MRE11: variants seen among roughly 807,000 people sequenced by gnomAD.
MRE11 encodes the protein MRE11 double strand break repair nuclease, also known as double-strand break repair protein MRE11.
MRE11 carries 62 observed loss-of-function variants against 91.7 expected under a neutral mutation model. The observed-to-expected ratio is 0.68, with a 90% confidence interval of 0.55 to 0.84. MRE11 has a LOEUF of 0.84. Ranked by LOEUF, MRE11 falls within the 40% of genes least tolerant of loss-of-function variation. The pLI is 0.00. For missense variants in MRE11, 796 were observed against 852.9 expected (o/e 0.93, Z 0.83); for synonymous variants, 273 against 271.4 (o/e 1.01, Z -0.06).
At chr11:94,457,887 T>TCACACACA (rs1555008822) in intron 13 of MRE11, among the ~76,000 whole-genome samples, 5 of 144,208 alleles carry the variant, frequency 3.5e-5, no homozygotes, top group African/African-American at 7.8e-5. Flanking sequence ...TCTCTCTCTC[T>TCACACACA]CACACACACA....
intron 4 of MRE11, among the ~76,000 whole-genome samples, chr11:94,482,203 TATC>T (rs1565236236): frequency 6.6e-6 from 1 of 152,234 alleles, no homozygotes; most frequent in Non-Finnish European, 1.5e-5. Flanking sequence ...CCATTTTTCT[TATC>T]ATCTCAATCT....
At position 94,476,375 on chromosome 11, in the gene MRE11, T is replaced by G. The variant is rs1555014571; in HGVS notation, c.573A>C (p.Arg191=). ...LGSIPDERLY[R]MFVNKKVTML... ...TTGTTACTTTTTTATTGACAAACAT[T>G]CGATAGAGCCTTTCATCTGGAATGG... The change falls in exon 7 of 20, where the codon CGA becomes CGC. Residue 191 remains arginine, a synonymous_variant. Coordinates refer to ENST00000323929, the MANE Select transcript of MRE11 (RefSeq NM_005591.4). The G allele has an allele frequency of 5.6e-6, 9 of 1,612,326 alleles. No individual in the cohort carries two copies. The highest frequency in any genetic ancestry group is 7.6e-6 in the Non-Finnish European group (9 of 1,178,638).
At chr11:94,450,404 T>C (rs1431935915) in intron 14 of MRE11, among the ~76,000 whole-genome samples, 1 of 152,180 alleles carries the variant, frequency 6.6e-6, no homozygotes, top group Admixed American at 6.5e-5. Context: ...ATTAATAAGA[T>C]AGATCTAATT....
At chr11:94,471,508 C>T in intron 8 of MRE11, 66 bp downstream of exon 8, 1 of 1,504,124 alleles carries the variant, frequency 6.6e-7, no homozygotes, top group Non-Finnish European at 9.2e-7. Flanking sequence ...GGCCTTAAAC[C>T]TATGAGATGA....
intron 19 of MRE11, among the ~76,000 whole-genome samples, chr11:94,421,819 A>G (rs1945178956): frequency 6.6e-6 from 1 of 152,242 alleles, no homozygotes; most frequent in Non-Finnish European, 1.5e-5. Flanking sequence ...GGCAAATACT[A>G]TATGATTCTA....
intron 3 of MRE11, among the ~76,000 whole-genome samples, chr11:94,487,730 A>G (rs1015700764): frequency 1.3e-5 from 2 of 152,244 alleles, no homozygotes; most frequent in Non-Finnish European, 2.9e-5. Flanking sequence ...GGTTCAGGAA[A>G]AAAATCGTGT....
At chr11:94,447,493 A>T (rs1945970432) in intron 14 of MRE11, 55 bp from the exon 15 acceptor site, 1 of 1,540,700 alleles carries the variant, frequency 6.5e-7, no homozygotes, top group African/African-American at 1.4e-5. Context: ...ACCATCCTAA[A>T]AATCATTAAT....
At chr11:94,444,710 T>C (rs368333249) in intron 16 of MRE11, among the ~76,000 whole-genome samples, 3 of 152,226 alleles carry the variant, frequency 2.0e-5, no homozygotes, top group Non-Finnish European at 4.4e-5. Context: ...AGCTGTCCTT[T>C]TGGACATAAA....
chr11:94,488,621 T>C (rs1410011743), intron 3 of MRE11, among the ~76,000 whole-genome samples: 1 of 152,136 alleles, frequency 6.6e-6, no homozygotes, highest in Non-Finnish European at 1.5e-5. Flanking sequence ...ACTATGCAGC[T>C]ATTAAAAAGA....
the MRE11 span, chr11:94,499,245 T>C: frequency 6.5e-6 from 1 of 152,880 alleles, no homozygotes; most frequent in South Asian, 2.1e-4. Context: ...CACGATGACC[T>C]TGTAGACATG....
upstream of MRE11, chr11:94,498,283 T>G: frequency 6.2e-7 from 1 of 1,614,040 alleles, no homozygotes; most frequent in Non-Finnish European, 8.5e-7. Flanking sequence ...CCAGAGTGGC[T>G]TCTTTCTTAC....
At chr11:94,442,854 G>C (rs1003021536) in intron 16 of MRE11, among the ~76,000 whole-genome samples, 1 of 152,094 alleles carries the variant, frequency 6.6e-6, no homozygotes, top group Non-Finnish European at 1.5e-5. Flanking sequence ...AATTTTCCAG[G>C]CTGCCTTTTC....
At chr11:94,451,465 A>G (rs1172947682) in intron 14 of MRE11, among the ~76,000 whole-genome samples, 1 of 152,210 alleles carries the variant, frequency 6.6e-6, no homozygotes, top group African/African-American at 2.4e-5. Flanking sequence ...ACAGAAAGAC[A>G]GCTTCCAAAC....
chr11:94,460,847 T>C (rs981626296), intron 12 of MRE11, 89 bp downstream of exon 12: 8 of 1,057,932 alleles, frequency 7.6e-6, no homozygotes, highest in African/African-American at 1.6e-5. Context: ...AGGATTCATT[T>C]TGTTTAAACT....
intron 19 of MRE11, 21 bp downstream of exon 19, chr11:94,429,890 T>C (rs1442786255): frequency 1.9e-6 from 3 of 1,578,488 alleles, no homozygotes; most frequent in Non-Finnish European, 2.6e-6. Context: ...TAATTAAAAT[T>C]TAACAATATT....
intron 15 of MRE11, among the ~76,000 whole-genome samples, chr11:94,446,549 A>G (rs1054215915): frequency 6.6e-6 from 1 of 152,252 alleles, no homozygotes; most frequent in Non-Finnish European, 1.5e-5. Context: ...TCATTTCACC[A>G]GCTTAAAATT....
At chr11:94,424,134 C>T (rs533881300) in intron 19 of MRE11, among the ~76,000 whole-genome samples, 19 of 152,312 alleles carry the variant, frequency 1.2e-4, no homozygotes, top group African/African-American at 3.6e-4. Context: ...CCACAGAGCA[C>T]GGCTGTGAAC....
intron 5 of MRE11, 94 bp from the exon 6 acceptor site, chr11:94,478,970 C>A: frequency 7.4e-7 from 1 of 1,349,458 alleles, no homozygotes; most frequent in Non-Finnish European, 1.0e-6. Context: ...ACTCCATATT[C>A]TACTTACAAA....
chr11:94,426,364 G>T (rs1591629820), intron 19 of MRE11, among the ~76,000 whole-genome samples: 1 of 150,726 alleles, frequency 6.6e-6, no homozygotes, highest in Non-Finnish European at 1.5e-5. Context: ...TAGGGATGCA[G>T]CTAAAACTGT....
Sources: allele counts gnomAD v4.1 joint callset (sites outside exome capture counted in the v4.1 genomes callset), GRCh38; gene constraint gnomAD v4.1.1; transcripts MANE v1.5; gene names NCBI Gene and HGNC (gene_info 2026-07-23, HGNC 2026-07-21).